The following RABGAP1L variants were observed in gnomAD, a reference collection of about 807,000 sequenced individuals.
RABGAP1L encodes the protein rab GTPase-activating protein 1-like.
In RABGAP1L, 63 loss-of-function variants were observed where a neutral mutation model predicts 137.7. The observed-to-expected ratio is 0.46, with a 90% CI of 0.37 to 0.56. The LOEUF (loss-of-function observed/expected upper bound fraction) is 0.56. Ranked by LOEUF, RABGAP1L falls within the 20% of genes least tolerant of loss-of-function variation. The pLI, the probability that RABGAP1L is intolerant of heterozygous loss-of-function variation, is 0.00. For synonymous variants in RABGAP1L, 431 were observed against 433.7 expected, an observed-to-expected ratio of 0.99 and a Z score of 0.08; for missense variants, 1,095 against 1,244.0, an observed-to-expected ratio of 0.88 and a Z score of 1.80.
intron 19 of RABGAP1L, among the ~76,000 whole-genome samples, chr1:174,847,527 C>A (rs1647245857): frequency 1.4e-5 from 2 of 145,960 alleles, no homozygotes; most frequent in Admixed American, 1.4e-4. Context: ...GTTGAAAATT[C>A]TTTTCTTTAA....
chr1:174,204,736 C>T (rs1207538870), intron 1 of RABGAP1L, among the ~76,000 whole-genome samples: 12 of 152,076 alleles, frequency 7.9e-5, no homozygotes, highest in Admixed American at 2.0e-4. Context: ...ATCCTGGGGG[C>T]GGATGTCTCC....
At chr1:174,684,986 AAT>A (rs1678352506) in intron 15 of RABGAP1L, among the ~76,000 whole-genome samples, 1 of 95,148 alleles carries the variant, frequency 1.1e-5, no homozygotes, top group South Asian at 3.3e-4. Context: ...GTCTCAAAAA[AAT>A]AATAATAATA....
Position 174,448,741 on chromosome 1 carries a change from A to C in RABGAP1L, c.1710+54596A>C. 6.2e-7 allele frequency: 1 copy of C among 1,613,704 alleles called. No individual in the cohort carries two copies. Among genetic ancestry groups the C allele is most frequent in the East Asian group, 2.2e-5 (1 of 44,872 alleles). On this transcript the variant is annotated intron_variant, in intron 13 of 25. Transcript: ENST00000681986. The surrounding 1 kb of genome is among the most constrained non-coding windows in gnomAD (Gnocchi z 4.2). ...ATTTTACTGGCTTTATTGTTTGTTTACTTTATGCTCCTGCTGCCTTTGTTG... is the reference window on the plus strand; with the variant it reads ...ATTTTACTGGCTTTATTGTTTGTTTCCTTTATGCTCCTGCTGCCTTTGTTG...
intron 3 of RABGAP1L, among the ~76,000 whole-genome samples, chr1:174,223,334 T>C (rs1571626182): frequency 7.7e-6 from 1 of 130,508 alleles, no homozygotes; most frequent in Non-Finnish European, 1.6e-5. Flanking sequence ...TTCCAGCTGC[T>C]CAGGAGGCTG....
At chr1:174,715,941 T>C (rs1198034682) in intron 17 of RABGAP1L, among the ~76,000 whole-genome samples, 1 of 152,172 alleles carries the variant, frequency 6.6e-6, no homozygotes, top group Non-Finnish European at 1.5e-5. Context: ...GGGTTTAAAG[T>C]TCCCCTCATC....
intron 19 of RABGAP1L, among the ~76,000 whole-genome samples, chr1:174,943,094 G>T (rs143080748): frequency 6.6e-6 from 1 of 152,066 alleles, no homozygotes; most frequent in Non-Finnish European, 1.5e-5. Flanking sequence ...TGTACCTCTC[G>T]TACTCTTCAG....
chr1:174,438,499 C>T (rs1010425320), intron 13 of RABGAP1L, among the ~76,000 whole-genome samples: 3 of 151,582 alleles, frequency 2.0e-5, no homozygotes, highest in South Asian at 2.1e-4. Context: ...CAGGTGATCA[C>T]TTGAGTTCAG....
At chr1:174,492,382 C>G (rs1217406337) in intron 13 of RABGAP1L, among the ~76,000 whole-genome samples, 4 of 146,004 alleles carry the variant, frequency 2.7e-5, no homozygotes, top group Non-Finnish European at 6.0e-5. Flanking sequence ...GAGTCTCGCT[C>G]TTGTCGCCCA....
At chr1:174,355,948 G>GTTA (rs899771252) in intron 11 of RABGAP1L, among the ~76,000 whole-genome samples, 1 of 152,132 alleles carries the variant, frequency 6.6e-6, no homozygotes, top group Non-Finnish European at 1.5e-5. Context: ...GATGATTTGT[G>GTTA]TTAGCTTTAA....
intron 13 of RABGAP1L, among the ~76,000 whole-genome samples, chr1:174,497,639 A>T (rs1660863178): frequency 6.6e-6 from 1 of 151,842 alleles, no homozygotes; most frequent in African/African-American, 2.4e-5. Flanking sequence ...GCCTGTTCTT[A>T]TGCTCCTCTT....
At chr1:174,216,461 G>C (rs535686229) in intron 1 of RABGAP1L, among the ~76,000 whole-genome samples, 24 of 151,728 alleles carry the variant, frequency 1.6e-4, no homozygotes, top group Non-Finnish European at 3.1e-4. Context: ...GAGTAAAAAA[G>C]TAATTTTTTA....
chr1:174,690,739 G>C (rs542591182), intron 15 of RABGAP1L, among the ~76,000 whole-genome samples: 2 of 151,034 alleles, frequency 1.3e-5, no homozygotes, highest in East Asian at 3.9e-4. Context: ...CAAATGACTA[G>C]AAGTTTTCAT....
chr1:174,972,307 G>A (rs1165322808), intron 21 of RABGAP1L, among the ~76,000 whole-genome samples: 2 of 152,212 alleles, frequency 1.3e-5, no homozygotes, highest in African/African-American at 4.8e-5. Context: ...TTTATTTTAA[G>A]TTGAACAACT....
At chr1:174,767,534 T>G (rs1302062678) in intron 18 of RABGAP1L, among the ~76,000 whole-genome samples, 1 of 152,022 alleles carries the variant, frequency 6.6e-6, no homozygotes, top group African/African-American at 2.4e-5. Context: ...TTCCTTTTTT[T>G]TTTTTTTGAG....
chr1:174,181,562 C>A (rs1162688336), intron 1 of RABGAP1L, among the ~76,000 whole-genome samples: 1 of 152,140 alleles, frequency 6.6e-6, no homozygotes, highest in Non-Finnish European at 1.5e-5. Flanking sequence ...TGGTCTCGAT[C>A]TCATGACCTC....
intron 13 of RABGAP1L, among the ~76,000 whole-genome samples, chr1:174,467,349 A>G (rs779191159): frequency 9.9e-5 from 15 of 152,116 alleles, no homozygotes; most frequent in South Asian, 4.1e-4. Flanking sequence ...GATTAATAAT[A>G]CTACCAGATC....
chr1:174,279,873 T>C (rs1444265782), intron 10 of RABGAP1L, among the ~76,000 whole-genome samples: 2 of 152,138 alleles, frequency 1.3e-5, no homozygotes, highest in Non-Finnish European at 2.9e-5. Flanking sequence ...TAATTCTTCA[T>C]TTTGAGCCAA....
At chr1:174,707,787 C>T (rs1041825645) in intron 17 of RABGAP1L, among the ~76,000 whole-genome samples, 9 of 152,220 alleles carry the variant, frequency 5.9e-5, no homozygotes, top group Non-Finnish European at 1.3e-4. Flanking sequence ...ACCTTCCCCT[C>T]CATCACCCAG....
chr1:174,197,648 A>G (rs1001057282), intron 1 of RABGAP1L, among the ~76,000 whole-genome samples: 1 of 152,052 alleles, frequency 6.6e-6, no homozygotes, highest in Admixed American at 6.6e-5. Context: ...AAAATACAAA[A>G]ATTAGCCGGG....
Sources: allele counts gnomAD v4.1 joint callset (sites outside exome capture counted in the v4.1 genomes callset), GRCh38; gene constraint gnomAD v4.1.1; non-coding constraint Gnocchi (gnomAD v3.1); transcripts MANE v1.5; gene names NCBI Gene and HGNC (gene_info 2026-07-23, HGNC 2026-07-21).